Variants in C13orf42 observed in about 807,000 individuals in gnomAD.
C13orf42 encodes the protein chromosome 13 open reading frame 42, also known as uncharacterized protein C13orf42.
rs1208668818 is a variant in C13orf42, at chr13:51,086,305, CA to C, written c.563-747del. Among the ~76,000 whole-genome samples the C allele has an allele frequency of 2.2e-4, 13 of 59,580 alleles. No individual in the cohort carries two copies. In the South Asian group the frequency reaches 2.4e-3, roughly 11 times the overall value. The allele number at this position is 59,580 out of a possible 152,430, so 39.1% of individuals were successfully genotyped here. A position where few individuals can be genotyped will look rare whatever the true frequency, so the allele number is the denominator to read the frequency against. ...TGGGCGATGGAGCGAGACTCCGTCT[CA>C]AAAAAAAAAACAAAAAAAAACAAAA... is the stretch of plus-strand genomic sequence containing the variant. On this transcript the variant is annotated intron_variant, in intron 2 of 3. Coordinates refer to ENST00000563710, the MANE Select transcript of C13orf42 (RefSeq NM_001351589.3).
chr13:51,131,976 G>A (rs1309826017), intron 1 of C13orf42, among the ~76,000 whole-genome samples: 1 of 152,158 alleles, frequency 6.6e-6, no homozygotes, highest in African/African-American at 2.4e-5. Context: ...ATAAAAATCT[G>A]GATCAATATT....
chr13:51,123,644 T>C (rs1360831302), intron 1 of C13orf42, among the ~76,000 whole-genome samples: 1 of 152,222 alleles, frequency 6.6e-6, no homozygotes, highest in African/African-American at 2.4e-5. Context: ...AGGAATAAAT[T>C]CTTCTACATA....
rs1315115588 is a variant in C13orf42 at position 51,084,040 on chromosome 13, T to G, written c.*111A>C. Reference sequence around the variant, plus strand: ...CCAGCAGGCAGTGTGCTGAGTGGGTTGACTGTGTTACAATTGGCATTTTCA... The same window carrying G: ...CCAGCAGGCAGTGTGCTGAGTGGGTGGACTGTGTTACAATTGGCATTTTCA... On this transcript the variant is annotated 3_prime_UTR_variant, in exon 4 of 4. Transcript: ENST00000563710. 4 of 396,714 alleles carry G rather than the reference T, an allele frequency of 1.0e-5. No individual in the cohort carries two copies. The highest frequency in any genetic ancestry group is 1.8e-5 in the Non-Finnish European group (4 of 225,452). 24.6% of individuals were successfully genotyped at this position (396,714 alleles called of 1,614,324 possible).
At chr13:51,159,139 A>C (rs941150289) in intron 1 of C13orf42, among the ~76,000 whole-genome samples, 1 of 151,768 alleles carries the variant, frequency 6.6e-6, no homozygotes, top group Non-Finnish European at 1.5e-5. Context: ...GTTCCCCACC[A>C]CCCCCACCAA....
intron 1 of C13orf42, among the ~76,000 whole-genome samples, chr13:51,130,587 TC>T (rs903565055): frequency 3.9e-5 from 6 of 152,078 alleles, no homozygotes; most frequent in Non-Finnish European, 5.9e-5. Context: ...CCTAAATGCT[TC>T]AAAAAAACAC....
chr13:51,147,374 C>T (rs1953743511), intron 1 of C13orf42, among the ~76,000 whole-genome samples: 1 of 152,178 alleles, frequency 6.6e-6, no homozygotes, highest in Admixed American at 6.5e-5. Flanking sequence ...CCAGTCATGG[C>T]TCTGCTGACC....
chr13:51,090,645 A>C (rs1348608614), intron 1 of C13orf42, among the ~76,000 whole-genome samples: 1 of 152,136 alleles, frequency 6.6e-6, no homozygotes, highest in Non-Finnish European at 1.5e-5. Context: ...TATTTGATTT[A>C]AGTGATTCAG....
intron 1 of C13orf42, among the ~76,000 whole-genome samples, chr13:51,135,967 C>T (rs909995114): frequency 1.3e-5 from 2 of 152,202 alleles, no homozygotes; most frequent in African/African-American, 2.4e-5. Context: ...TCCAGCAGGC[C>T]GGCAGCTGAT....
intron 1 of C13orf42, among the ~76,000 whole-genome samples, chr13:51,165,948 A>G (rs1041510897): frequency 2.0e-5 from 3 of 152,228 alleles, no homozygotes; most frequent in Non-Finnish European, 4.4e-5. Flanking sequence ...AAGTACCAAG[A>G]GCCAGGCTCA....
chr13:51,140,875 T>C (rs991808388), intron 1 of C13orf42, among the ~76,000 whole-genome samples: 3 of 152,136 alleles, frequency 2.0e-5, no homozygotes. Context: ...GTCTTGCAAA[T>C]TCTTTTCAAA....
intron 1 of C13orf42, among the ~76,000 whole-genome samples, chr13:51,141,095 G>GGTGGGTGTGT (rs1953692263): frequency 7.8e-6 from 1 of 128,498 alleles, no homozygotes; most frequent in Non-Finnish European, 1.6e-5. Flanking sequence ...ATCGAAGGGA[G>GGTGGGTGTGT]GTGTGTGTGT....
At chr13:51,136,689 CAA>C (rs1024974414) in intron 1 of C13orf42, among the ~76,000 whole-genome samples, 3 of 152,156 alleles carry the variant, frequency 2.0e-5, no homozygotes, top group African/African-American at 7.2e-5. Flanking sequence ...AAAGAGCACA[CAA>C]AGACAATTCT....
chr13:51,170,364 C>T (rs1249004200), intron 1 of C13orf42, among the ~76,000 whole-genome samples: 1 of 152,148 alleles, frequency 6.6e-6, no homozygotes, highest in East Asian at 1.9e-4. Flanking sequence ...GAGATCAATC[C>T]CCTGTCCTCC....
intron 1 of C13orf42, among the ~76,000 whole-genome samples, chr13:51,104,148 T>C (rs1275734633): frequency 6.6e-6 from 1 of 152,252 alleles, no homozygotes; most frequent in Non-Finnish European, 1.5e-5. Flanking sequence ...CACGATCTTT[T>C]AAGGAATTCG....
intron 1 of C13orf42, among the ~76,000 whole-genome samples, chr13:51,097,278 G>T (rs1159912227): frequency 6.6e-6 from 1 of 152,186 alleles, no homozygotes; most frequent in Admixed American, 6.5e-5. Flanking sequence ...TTAGAGATAG[G>T]CTTCCATTTA....
At chr13:51,152,986 C>T (rs1953791550) in intron 1 of C13orf42, among the ~76,000 whole-genome samples, 1 of 152,206 alleles carries the variant, frequency 6.6e-6, no homozygotes, top group Non-Finnish European at 1.5e-5. Flanking sequence ...TTCTGCAGCA[C>T]AACCAGGGCT....
chr13:51,161,346 G>A (rs1347166580), intron 1 of C13orf42, among the ~76,000 whole-genome samples: 1 of 151,920 alleles, frequency 6.6e-6, no homozygotes, highest in Admixed American at 6.6e-5. Context: ...CTTATATGAA[G>A]CATGTCTTTT....
chr13:51,140,385 G>A (rs1467273793), intron 1 of C13orf42, among the ~76,000 whole-genome samples: 2 of 152,180 alleles, frequency 1.3e-5, no homozygotes, highest in Admixed American at 6.5e-5. Flanking sequence ...ACACGAGCAC[G>A]TCCTCAACCT....
chr13:51,160,399 A>G (rs111801316), intron 1 of C13orf42, among the ~76,000 whole-genome samples: 3,821 of 152,272 alleles, frequency 0.025, 74 homozygotes, highest in Middle Eastern at 0.044. Flanking sequence ...AATCCCAGCT[A>G]CTCGGGAGGC....
Sources: gnomAD v4.1 joint callset for allele counts (sites outside exome capture counted in the v4.1 genomes callset) on GRCh38, gnomAD v4.1.1 for gene constraint, MANE v1.5 for transcripts, NCBI Gene and HGNC (gene_info 2026-07-23, HGNC 2026-07-21) for gene names.